The following PC variants were observed in gnomAD, a reference collection of about 807,000 sequenced individuals.
The protein encoded by PC is pyruvate carboxylase.
Under a neutral mutation model 107.8 loss-of-function variants are expected in PC, and 46 were observed. The ratio of observed to expected loss-of-function variants is 0.43; its 90% CI spans 0.34 to 0.55. The LOEUF (loss-of-function observed/expected upper bound fraction) is 0.55. PC is among the 20% of genes least tolerant of loss of function. The probability of loss-of-function intolerance (pLI) is 0.04; values close to 1 mark genes in which losing one functional copy is unlikely to be tolerated. For synonymous variants in PC, 662 were observed against 684.7 expected (o/e 0.97, Z 0.52); for missense variants, 1,241 against 1,643.1 (o/e 0.76, Z 4.23).
chr11:66,940,555 CA>C (rs1429861782), intron 3 of PC, among the ~76,000 whole-genome samples: 1 of 151,406 alleles, frequency 6.6e-6, no homozygotes, highest in East Asian at 2.0e-4. Context: ...CTACAAAATA[CA>C]AAATACAAAA....
At chr11:66,941,867 C>T (rs1301236417) in intron 3 of PC, among the ~76,000 whole-genome samples, 3 of 152,032 alleles carry the variant, frequency 2.0e-5, no homozygotes, top group Non-Finnish European at 4.4e-5. Flanking sequence ...CTTTGGGAGG[C>T]TGAGGCGGGC....
Position 66,940,524 on chromosome 11 carries a change from C to T in PC, c.-1+11906G>A, listed in dbSNP as rs117559792. On this transcript the variant is annotated intron_variant, in intron 3 of 22. Transcript: ENST00000393960. ...GCATCATGGTGAAACGCTGTCTCCA[C>T]AAAAAATACAAAAACTACAGCTACA... Among the ~76,000 whole-genome samples the T allele has an allele frequency of 4.3e-3, 652 of 150,544 alleles. 4 individuals are homozygous for T. Among genetic ancestry groups the T allele is most frequent in the African/African-American group, 0.015 (609 of 41,100 alleles).
At chr11:66,925,146 G>A (rs140798508) in intron 3 of PC, among the ~76,000 whole-genome samples, 28 of 152,144 alleles carry the variant, frequency 1.8e-4, no homozygotes, top group African/African-American at 6.0e-4. Flanking sequence ...CCACAGGACC[G>A]GGGTGAAATT....
intron 1 of PC, among the ~76,000 whole-genome samples, chr11:66,956,894 T>G (rs1471968927): frequency 1.3e-5 from 2 of 152,330 alleles, no homozygotes; most frequent in African/African-American, 4.8e-5. Context: ...TGCTTAGGTT[T>G]TGTTTATTTT....
At position 66,858,161 on chromosome 11, in the gene PC, C is replaced by T. The variant is rs1257610592; in HGVS notation, c.1369-4778G>A. ...AGCTGGGCCGCATCGCGCCGGGAGC[C>T]TTCGACGACTTCCTAGAGAGCCTGG... On this transcript the variant is annotated intron_variant, in intron 12 of 22. Coordinates refer to ENST00000393960, the MANE Select transcript of PC (RefSeq NM_001040716.2). The surrounding 1 kb of genome is among the most constrained non-coding windows in gnomAD (Gnocchi z 5.9). 6.2e-7 allele frequency: 1 copy of T among 1,610,860 alleles called. No homozygotes were observed. The highest frequency in any genetic ancestry group is 8.5e-7 in the Non-Finnish European group (1 of 1,178,872).
rs1302478598 is a variant in PC, at chr11:66,870,022, T to G, written c.903+280A>C. 6.6e-6 allele frequency among the ~76,000 whole-genome samples: 1 copy of G among 152,162 alleles called. No individual in the cohort carries two copies. The highest frequency in any genetic ancestry group is 1.5e-5 in the Non-Finnish European group (1 of 68,014). ...TGATGCCACAGAGAAGCCAGGTCTG[T>G]GTAGCAGCAGGGCTGAGGAGGCGGC... is the stretch of plus-strand genomic sequence containing the variant. On this transcript the variant is annotated intron_variant, in intron 9 of 22. Coordinates refer to ENST00000393960, the MANE Select transcript of PC (RefSeq NM_001040716.2). The surrounding 1 kb of genome is among the most constrained non-coding windows in gnomAD (Gnocchi z 6.1).
chr11:66,928,921 C>T (rs1485118975), intron 3 of PC, among the ~76,000 whole-genome samples: 1 of 152,072 alleles, frequency 6.6e-6, no homozygotes, highest in African/African-American at 2.4e-5. Context: ...GAATCTGCAA[C>T]CAGGGACAAG....
chr11:66,863,751 A>G (rs1591170211), intron 12 of PC, 23 bp downstream of exon 12: 2 of 1,595,314 alleles, frequency 1.3e-6, no homozygotes, highest in South Asian at 2.2e-5. Flanking sequence ...GAGCAAAGGC[A>G]GGCGGGGGCT....
rs895890272 is a variant in PC, at chr11:66,858,723, C to G, written c.1368+5051G>C. On this transcript the variant is annotated intron_variant, in intron 12 of 22. Transcript: ENST00000393960. The surrounding 1 kb of genome is among the most constrained non-coding windows in gnomAD (Gnocchi z 5.9). The stretch of plus-strand genomic sequence containing the variant: ...CGACCGGTTGGTTGGCAACTCCTCC[C>G]GAGCCCGGGCTTTCCCCAACGGGAC... The G allele has an allele frequency of 1.3e-6, 2 of 1,552,150 alleles. No homozygotes were observed. Among genetic ancestry groups the G allele is most frequent in the South Asian group, 1.2e-5 (1 of 84,704 alleles).
At chr11:66,873,459 TATATTATA>T (rs1946834937) in intron 3 of PC, among the ~76,000 whole-genome samples, 1 of 79,846 alleles carries the variant, frequency 1.3e-5, no homozygotes, top group Non-Finnish European at 2.3e-5. Flanking sequence ...ATATAAAATA[TATATTATA>T]TATAATATAA....
intron 3 of PC, among the ~76,000 whole-genome samples, chr11:66,939,895 C>T (rs1949088145): frequency 6.6e-6 from 1 of 150,598 alleles, no homozygotes; most frequent in African/African-American, 2.4e-5. Flanking sequence ...GAAATTGGAC[C>T]CTTACCTGAC....
chr11:66,859,432 A>C (rs984715900), intron 12 of PC, among the ~76,000 whole-genome samples: 6 of 151,878 alleles, frequency 4.0e-5, no homozygotes, highest in African/African-American at 4.8e-5. Context: ...CCCCCACCCC[A>C]TTCCCCTCGC....
chr11:66,913,185 A>G (rs1328856642), intron 3 of PC, among the ~76,000 whole-genome samples: 2 of 152,002 alleles, frequency 1.3e-5, no homozygotes, highest in African/African-American at 4.8e-5. Flanking sequence ...GGGGACACAC[A>G]ATAGGCCCTT....
chr11:66,853,210 G>A, intron 13 of PC, 29 bp downstream of exon 13: 1 of 1,609,986 alleles, frequency 6.2e-7, no homozygotes, highest in South Asian at 1.1e-5. Flanking sequence ...GGGGAGGGGA[G>A]GGCAGGGCAG....
chr11:66,914,725 T>C (rs576033018), intron 3 of PC, among the ~76,000 whole-genome samples: 8 of 152,166 alleles, frequency 5.3e-5, no homozygotes, highest in Non-Finnish European at 1.0e-4. Flanking sequence ...CCAATTACAC[T>C]ACCAGGGACT....
At chr11:66,879,668 G>A (rs1187235020) in intron 3 of PC, among the ~76,000 whole-genome samples, 1 of 152,238 alleles carries the variant, frequency 6.6e-6, no homozygotes, top group Non-Finnish European at 1.5e-5. Flanking sequence ...GGCATGGGCC[G>A]CTGGCTGCAG....
At chr11:66,890,603 C>T (rs1028637461) in intron 3 of PC, among the ~76,000 whole-genome samples, 1 of 149,974 alleles carries the variant, frequency 6.7e-6, no homozygotes, top group African/African-American at 2.5e-5. Context: ...CAGGTTCAAG[C>T]GATTCTCCTG....
Position 66,858,907 on chromosome 11 carries a change from A to T in PC, c.1368+4867T>A. 6.4e-7 allele frequency: 1 copy of T among 1,565,400 alleles called. No homozygotes were observed. Among genetic ancestry groups the T allele is most frequent in the South Asian group, 1.2e-5 (1 of 85,592 alleles). On this transcript the variant is annotated intron_variant, in intron 12 of 22. Coordinates refer to ENST00000393960, the MANE Select transcript of PC (RefSeq NM_001040716.2). The surrounding 1 kb of genome is among the most constrained non-coding windows in gnomAD (Gnocchi z 5.9). ...GAGGGGGGCCGCCCCGGGCCCTCGGACATCGCCGCCTCCGCTCGCACTGCT... is the reference window on the plus strand; with the variant it reads ...GAGGGGGGCCGCCCCGGGCCCTCGGTCATCGCCGCCTCCGCTCGCACTGCT...
chr11:66,852,871 T>G lies in PC; in HGVS notation c.1514-35A>C. The G allele has an allele frequency of 4.2e-6, 6 of 1,420,454 alleles. No homozygotes were observed. The highest frequency in any genetic ancestry group is 2.3e-5 in the East Asian group (1 of 43,574). The allele number at this position is 1,420,454 out of a possible 1,614,324, so 88.0% of individuals were successfully genotyped here. A position where few individuals can be genotyped will look rare whatever the true frequency, so the allele number is the denominator to read the frequency against. On this transcript the variant is annotated intron_variant, in intron 13 of 22. Transcript: ENST00000393960. This position sits in a 1 kb window ranked among gnomAD's most constrained non-coding sequence, Gnocchi z 4.7. ...AAGCGGGCAGTGGGTCAGGGTGGGC[T>G]GGGCAGAGGCTGAGTCGAGGGCAGC...
Sources: allele counts gnomAD v4.1 joint callset (sites outside exome capture counted in the v4.1 genomes callset), GRCh38; gene constraint gnomAD v4.1.1; non-coding constraint Gnocchi (gnomAD v3.1); transcripts MANE v1.5; gene names NCBI Gene and HGNC (gene_info 2026-07-23, HGNC 2026-07-21).